CFAP410: variants seen among roughly 807,000 people sequenced by gnomAD.
The protein encoded by CFAP410 is cilia and flagella associated protein 410.
CFAP410 carries 27 observed loss-of-function variants against 25.7 expected under a neutral mutation model. The observed-to-expected ratio is 1.05, with a 90% CI of 0.77 to 1.45. The LOEUF (loss-of-function observed/expected upper bound fraction) is 1.45, where lower values mean the gene tolerates loss of function less well. Among genes scored for constraint, CFAP410 ranks in the 40% most tolerant of loss-of-function variants. The pLI is 0.00. For missense variants in CFAP410, 428 were observed against 354.1 expected, an observed-to-expected ratio of 1.21 and a Z score of -1.67; for synonymous variants, 178 against 158.4, an observed-to-expected ratio of 1.12 and a Z score of -0.93.
intron 3 of CFAP410, chr21:44,333,801 C>A (rs561310243): frequency 5.9e-6 from 2 of 337,602 alleles, no homozygotes; most frequent in African/African-American, 4.3e-5. Context: ...GAGCGGGGAC[C>A]TGCAGGCTTT....
Position 44,333,029 on chromosome 21 carries a change from C to G in CFAP410, c.373+4G>C, listed in dbSNP as rs1170670276. On this transcript the variant is annotated splice_donor_region_variant and intron_variant, in intron 4 of 6. Transcript: ENST00000339818. ...GGGCCGGTGACTCCGCTGCGGCCAC[C>G]TACCCTGGTTGTCCAGCTTCTGTAG... is the stretch of plus-strand genomic sequence containing the variant. 1 of 1,579,660 alleles carries G rather than the reference C, an allele frequency of 6.3e-7. No homozygotes were observed. The highest frequency in any genetic ancestry group is 8.6e-7 in the Non-Finnish European group (1 of 1,157,196).
chr21:44,330,654 C>A, intron 6 of CFAP410, 169 bp downstream of exon 6: 1 of 1,548,614 alleles, frequency 6.5e-7, no homozygotes, highest in Non-Finnish European at 8.7e-7. Context: ...TGCGCATTCA[C>A]AGACCCGCAC....
Position 44,329,884 on chromosome 21 carries a change from C to T in CFAP410, c.*314G>A. 1 of 318,526 alleles carries T rather than the reference C, an allele frequency of 3.1e-6. No individual in the cohort carries two copies. The allele number at this position is 318,526 out of a possible 1,614,324, so 19.7% of individuals were successfully genotyped here. A position where few individuals can be genotyped will look rare whatever the true frequency, so the allele number is the denominator to read the frequency against. Reference sequence around the variant, plus strand: ...AACCATGCCTTGGGAAACGTCACCTCCAGATCAACCTTGGGAAAATCTTTT... The same window carrying T: ...AACCATGCCTTGGGAAACGTCACCTTCAGATCAACCTTGGGAAAATCTTTT... On this transcript the variant is annotated 3_prime_UTR_variant, in exon 7 of 7. Coordinates refer to ENST00000339818, the MANE Select transcript of CFAP410 (RefSeq NM_004928.3).
At position 44,339,181 on chromosome 21, in the gene CFAP410, CG is replaced by C. The variant is rs1568994920; in HGVS notation, c.13del (p.Arg5GlyfsTer5). On this transcript the variant is annotated frameshift_variant, in exon 1 of 7. Transcript: ENST00000339818. LOFTEE classifies it high-confidence loss of function. ...CTTGGCCCGGGTCAGAACCATCTTC[CG>C]CGTCAGCTTCATGGCGGCCGCCCAG... MKLT[R>X]KMVLTRAKAS... 5.4e-6 allele frequency: 8 copies of C among 1,468,502 alleles called. No homozygotes were observed. The highest frequency in any genetic ancestry group is 7.2e-6 in the Non-Finnish European group (8 of 1,106,012). 91.0% of individuals were successfully genotyped at this position (1,468,502 alleles called of 1,614,324 possible).
At chr21:44,331,221 T>C in intron 5 of CFAP410, 1 of 471,468 alleles carries the variant, frequency 2.1e-6, no homozygotes, top group Non-Finnish European at 3.8e-6. Context: ...AACACACAAA[T>C]GCCGGGGGAG....
Position 44,331,867 on chromosome 21 carries a change from G to C in CFAP410, c.521C>G (p.Pro174Arg), listed in dbSNP as rs764188617. 1.9e-6 allele frequency: 3 copies of C among 1,611,840 alleles called. No homozygotes were observed. The highest frequency in any genetic ancestry group is 2.2e-5 in the South Asian group (2 of 90,886). ...LSSAAETGRDPLDSEEEATSG... is the reference protein window; with the variant it reads ...LSSAAETGRDRLDSEEEATSG... ...CGTTGCCTCCTCCTCGCTGTCCAGC[G>C]GGTCCCGGCCAGTCTCAGCAGCGGA... The change falls in exon 5 of 7, where the codon CCG (proline) becomes CGG (arginine). Residue 174 changes from proline to arginine, a missense_variant. Coordinates refer to ENST00000339818, the MANE Select transcript of CFAP410 (RefSeq NM_004928.3).
chr21:44,330,973 G>T (rs117840172), intron 5 of CFAP410, 54 bp from the exon 6 acceptor site: 3 of 1,452,458 alleles, frequency 2.1e-6, no homozygotes, highest in East Asian at 2.4e-5. Context: ...CACCGGGGGG[G>T]CCTCTGCAAA....
intron 3 of CFAP410, chr21:44,334,740 C>G (rs1387501163): frequency 4.7e-6 from 1 of 213,334 alleles, no homozygotes; most frequent in African/African-American, 2.4e-5. Flanking sequence ...TGCCTCCAAG[C>G]CCATTTCATT....
rs1276101810 is a variant in CFAP410 at position 44,330,829 on chromosome 21, CCT to C, written c.634_635del (p.Arg212GlyfsTer97). The C allele has an allele frequency of 6.2e-6, 10 of 1,601,102 alleles. No individual in the cohort carries two copies. Among genetic ancestry groups the C allele is most frequent in the Non-Finnish European group, 8.5e-6 (10 of 1,174,694 alleles). ...LSARDASSSH[R>X]GRNVLTAILL... ...CTAGCGGCCCGCCACTCACCCTGCC[CCT>C]GTGGCTGCTCGAGGCATCCCTGGCT... On this transcript the variant is annotated frameshift_variant, in exon 6 of 7. Transcript: ENST00000339818. LOFTEE classifies it low-confidence loss of function (END_TRUNC).
chr21:44,331,946 C>G lies in CFAP410; in HGVS notation c.442G>C (p.Glu148Gln), dbSNP rs759456714. 2.5e-6 allele frequency: 4 copies of G among 1,613,556 alleles called. No individual in the cohort carries two copies. Among genetic ancestry groups the G allele is most frequent in the African/African-American group, 2.7e-5 (2 of 74,936 alleles). Residue 148 changes from glutamate to glutamine, a missense_variant, in exon 5 of 7, where the codon GAG becomes CAG. Glu to Gln is a conservative substitution (Grantham distance 29, BLOSUM62 2). Coordinates refer to ENST00000339818, the MANE Select transcript of CFAP410 (RefSeq NM_004928.3). ...GEEITAAPER[E>Q]GTGHGGPKLC... ...TTGGGGCCGCCGTGGCCTGTGCCCT[C>G]TCTCTCTGGGGCCGCAGTGATCTCC...
Position 44,333,242 on chromosome 21 carries a change from A to G in CFAP410, c.164T>C (p.Leu55Pro). 1 of 1,612,122 alleles carries G rather than the reference A, an allele frequency of 6.2e-7. No homozygotes were observed. The highest frequency in any genetic ancestry group is 8.5e-7 in the Non-Finnish European group (1 of 1,179,644). ...GCGCTGGCACCGGCTCACAGGCTCC[A>G]GGGTGGAGATGCTGTTGACACTGCA... ...ITLSVNSISTLEPVSRCQRLS... is the reference protein window; with the variant it reads ...ITLSVNSISTPEPVSRCQRLS... Residue 55 changes from leucine to proline, a missense_variant, in exon 4 of 7, where the codon CTG (leucine) becomes CCG (proline). Physicochemically the swap from Leu to Pro is moderately conservative, Grantham distance 98. Transcript: ENST00000339818.
rs1047558722 is a variant in CFAP410, at chr21:44,337,766, T to G, written c.78-99A>C. 9.3e-6 allele frequency: 9 copies of G among 969,734 alleles called. No homozygotes were observed. The African/African-American group carries it at 1.3e-4, about 14-fold the overall frequency. 60.1% of individuals were successfully genotyped at this position (969,734 alleles called of 1,614,324 possible). ...AATCACCGATGACTCCCTACAAACC[T>G]TAAGATTCTAGGATTTTAATGGCAT... On this transcript the variant is annotated intron_variant, in intron 1 of 6. Transcript: ENST00000339818.
chr21:44,329,734 T>G lies in CFAP410; in HGVS notation c.*464A>C, dbSNP rs139131768. On this transcript the variant is annotated 3_prime_UTR_variant, in exon 7 of 7. Coordinates refer to ENST00000339818, the MANE Select transcript of CFAP410 (RefSeq NM_004928.3). Reference sequence around the variant, plus strand: ...GCAGATGTCGCTATGGGTGCCAGCATTCTCGAAGTCTCCCTTGCCCAACAG... The same window carrying G: ...GCAGATGTCGCTATGGGTGCCAGCAGTCTCGAAGTCTCCCTTGCCCAACAG... The G allele has an allele frequency of 5.0e-4, 81 of 161,046 alleles. 1 individual carries two copies. Among genetic ancestry groups the G allele is most frequent in the African/African-American group, 1.8e-3 (73 of 41,648 alleles). The allele number at this position is 161,046 out of a possible 1,614,324, so 10.0% of individuals were successfully genotyped here. A position where few individuals can be genotyped will look rare whatever the true frequency, so the allele number is the denominator to read the frequency against.
At position 44,331,972 on chromosome 21, in the gene CFAP410, T is replaced by G; in HGVS notation, c.416A>C (p.Glu139Ala). The G allele has an allele frequency of 6.2e-7, 1 of 1,612,864 alleles. No homozygotes were observed. The highest frequency in any genetic ancestry group is 1.3e-5 in the African/African-American group (1 of 74,976). ...EELSRALSEG[E>A]EITAAPEREG... ...TCTCTCTGGGGCCGCAGTGATCTCC[T>G]CTCCCTCACTCAGTGCACGGGACAG... The change falls in exon 5 of 7, where the codon GAG becomes GCG. Residue 139 changes from glutamate to alanine, a missense_variant. Glu to Ala is a moderately radical substitution (Grantham distance 107). Coordinates refer to ENST00000339818, the MANE Select transcript of CFAP410 (RefSeq NM_004928.3).
chr21:44,334,415 G>A (rs995036251), intron 3 of CFAP410: 40 of 382,298 alleles, frequency 1.0e-4, no homozygotes, highest in African/African-American at 7.9e-4. Context: ...AAGCCTTTCG[G>A]AGGCAGGCCT....
intron 3 of CFAP410, chr21:44,335,020 A>T (rs2047726460): frequency 6.5e-6 from 1 of 153,240 alleles, no homozygotes; most frequent in Admixed American, 6.5e-5. Context: ...GAGCTGCCAG[A>T]GGGGTGGGCC....
chr21:44,332,954 A>G, intron 4 of CFAP410, 79 bp downstream of exon 4: 1 of 945,966 alleles, frequency 1.1e-6, no homozygotes, highest in Non-Finnish European at 1.6e-6. Context: ...GCAGAAAAGG[A>G]GAAGAGAAAA....
In CFAP410 at chr21:44,335,874, CA is replaced by C. The variant is rs2146080093; in HGVS notation, c.97-71del. ...ATCGCGGCCGCACTGCCATCAGCCA[CA>C]GAGAACTGTCGAAGCCACGGCCAAC... On this transcript the variant is annotated intron_variant, in intron 2 of 6. Transcript: ENST00000339818. 8 of 1,236,470 alleles carry C rather than the reference CA, an allele frequency of 6.5e-6. No individual in the cohort carries two copies. In the South Asian group the frequency reaches 1.0e-4, roughly 16 times the overall value. The allele number at this position is 1,236,470 out of a possible 1,614,324, so 76.6% of individuals were successfully genotyped here. A position where few individuals can be genotyped will look rare whatever the true frequency, so the allele number is the denominator to read the frequency against.
intron 2 of CFAP410, 152 bp downstream of exon 2, chr21:44,337,497 C>T (rs531395614): frequency 2.9e-5 from 18 of 612,840 alleles, no homozygotes; most frequent in African/African-American, 9.3e-5. Context: ...GAATGAAAAC[C>T]GCTAAGTGAA....
Sources: allele counts gnomAD v4.1 joint callset, GRCh38; gene constraint gnomAD v4.1.1; transcripts MANE v1.5; gene names NCBI Gene and HGNC (gene_info 2026-07-23, HGNC 2026-07-21).